The following LTBP1 variants were observed in gnomAD, a reference collection of about 807,000 sequenced individuals.
LTBP1 encodes latent-transforming growth factor beta-binding protein 1.
Under a neutral mutation model 207.6 loss-of-function variants are expected in LTBP1, and 129 were observed. That is an observed-to-expected ratio of 0.62 (90% confidence interval 0.54 to 0.72). The LOEUF is 0.72. Among genes scored for constraint, LTBP1 ranks in the 30% least tolerant of loss-of-function variants. The pLI is 0.00. For missense variants in LTBP1, 2,281 were observed against 2,217.2 expected (o/e 1.03, Z -0.58); for synonymous variants, 963 against 833.7 (o/e 1.16, Z -2.67).
chr2:33,334,778 T>C (rs899281242), intron 24 of LTBP1, among the ~76,000 whole-genome samples: 3 of 152,018 alleles, frequency 2.0e-5, no homozygotes, highest in Non-Finnish European at 2.9e-5. Context: ...TTTTACAGAA[T>C]AATTTAAGTA....
chr2:33,121,404 G>C (rs1053289670), intron 4 of LTBP1, among the ~76,000 whole-genome samples: 3 of 152,040 alleles, frequency 2.0e-5, no homozygotes, highest in Non-Finnish European at 2.9e-5. Flanking sequence ...AAAAGCATCC[G>C]GAGAGCAGGT....
intron 5 of LTBP1, among the ~76,000 whole-genome samples, chr2:33,179,668 A>G (rs1416456117): frequency 1.3e-5 from 2 of 152,076 alleles, no homozygotes; most frequent in Non-Finnish European, 2.9e-5. Context: ...AAATTTAATT[A>G]GAATCTGGCT....
chr2:33,312,522 G>A (rs909115806), intron 23 of LTBP1, among the ~76,000 whole-genome samples: 2 of 152,034 alleles, frequency 1.3e-5, no homozygotes, highest in African/African-American at 2.4e-5. Context: ...CTGTGGAATC[G>A]CGGACCCATG....
intron 2 of LTBP1, among the ~76,000 whole-genome samples, chr2:32,985,459 A>G (rs1558475501): frequency 6.6e-6 from 1 of 152,212 alleles, no homozygotes; most frequent in Non-Finnish European, 1.5e-5. Context: ...TCTGTCTCCT[A>G]GAGGAGCTCA....
intron 5 of LTBP1, among the ~76,000 whole-genome samples, chr2:33,138,917 G>A (rs1002360938): frequency 1.5e-5 from 2 of 133,978 alleles, no homozygotes; most frequent in Admixed American, 1.7e-4. Flanking sequence ...GGAGTGCAGT[G>A]GCGCGATCTC....
chr2:32,998,052 T>C (rs539619972), intron 2 of LTBP1, among the ~76,000 whole-genome samples: 7 of 152,306 alleles, frequency 4.6e-5, no homozygotes, highest in Admixed American at 4.6e-4. Context: ...GGATATAAAT[T>C]CTAGATTTGA....
chr2:33,135,034 T>A (rs2082032032), intron 5 of LTBP1, 74 bp downstream of exon 5: 1 of 1,428,432 alleles, frequency 7.0e-7, no homozygotes, highest in Admixed American at 2.4e-5. Flanking sequence ...AGACACCCCC[T>A]CCATTCACAC....
At chr2:33,322,292 C>T (rs1049790363) in intron 24 of LTBP1, among the ~76,000 whole-genome samples, 4 of 152,146 alleles carry the variant, frequency 2.6e-5, no homozygotes, top group Admixed American at 6.6e-5. Context: ...CCTTGCATAC[C>T]GTATGCTGAC....
chr2:33,072,670 C>T (rs1002969281), intron 3 of LTBP1, among the ~76,000 whole-genome samples: 4 of 152,080 alleles, frequency 2.6e-5, no homozygotes, highest in African/African-American at 7.2e-5. Flanking sequence ...CTAAAAGTGC[C>T]CCAACATGAG....
At chr2:33,346,657 C>T (rs1339015768) in intron 25 of LTBP1, among the ~76,000 whole-genome samples, 6 of 151,342 alleles carry the variant, frequency 4.0e-5, no homozygotes, top group Non-Finnish European at 7.4e-5. Flanking sequence ...TGCACTCCAG[C>T]CTGGGTGACA....
At chr2:32,969,287 T>A (rs1364604188) in intron 2 of LTBP1, among the ~76,000 whole-genome samples, 1 of 150,674 alleles carries the variant, frequency 6.6e-6, no homozygotes, top group Admixed American at 6.6e-5. Flanking sequence ...ATTTAAAAAG[T>A]TTTATTTTCA....
At chr2:33,179,607 G>A (rs967812621) in intron 5 of LTBP1, among the ~76,000 whole-genome samples, 31 of 150,790 alleles carry the variant, frequency 2.1e-4, no homozygotes, top group African/African-American at 7.5e-4. Context: ...GAAAATCCCT[G>A]TACCTTCATA....
At chr2:33,063,259 G>A (rs1375033218) in intron 3 of LTBP1, 1 of 151,158 alleles carries the variant, frequency 6.6e-6, no homozygotes, top group Non-Finnish European at 1.5e-5. Flanking sequence ...AATTTGCATT[G>A]TCTTGAATCT....
intron 5 of LTBP1, among the ~76,000 whole-genome samples, chr2:33,137,153 C>A (rs1301310764): frequency 6.6e-6 from 1 of 152,084 alleles, no homozygotes. Context: ...CAGAAAAATT[C>A]AAAAACGTTT....
In LTBP1 at chr2:32,947,372, C is replaced by T. The variant is rs889973787; in HGVS notation, c.48C>T (p.Leu16=). The change falls in exon 1 of 34, where the codon CTC becomes CTT. Residue 16 remains leucine, a synonymous_variant. Transcript: ENST00000404816. The part of the protein sequence containing the change: ...LRWGLLLWAG[L]LASSAHGRLR... ...GGGGGCTCCTGCTCTGGGCAGGGCT[C>T]CTCGCGTCCTCGGCGCACGGCCGGC... The T allele has an allele frequency of 1.5e-6, 2 of 1,361,664 alleles. No individual in the cohort carries two copies. Among genetic ancestry groups the T allele is most frequent in the South Asian group, 1.7e-5 (1 of 58,866 alleles). The allele number at this position is 1,361,664 out of a possible 1,614,324, so 84.3% of individuals were successfully genotyped here. A position where few individuals can be genotyped will look rare whatever the true frequency, so the allele number is the denominator to read the frequency against.
intron 3 of LTBP1, among the ~76,000 whole-genome samples, chr2:33,064,002 C>T (rs1374474088): frequency 3.3e-5 from 5 of 151,956 alleles, no homozygotes; most frequent in African/African-American, 4.8e-5. Context: ...TACAGGCACC[C>T]GCCACCATGC....
chr2:32,972,024 T>G (rs1680950736), intron 2 of LTBP1, among the ~76,000 whole-genome samples: 1 of 152,174 alleles, frequency 6.6e-6, no homozygotes, highest in Admixed American at 6.5e-5. Flanking sequence ...TAGTTCAATC[T>G]TAGGAGGTTG....
At chr2:33,086,962 T>C (rs777431818) in intron 3 of LTBP1, among the ~76,000 whole-genome samples, 1 of 152,052 alleles carries the variant, frequency 6.6e-6, no homozygotes, top group Non-Finnish European at 1.5e-5. Flanking sequence ...TGGTTATAAA[T>C]ACAGATTCAC....
intron 7 of LTBP1, among the ~76,000 whole-genome samples, chr2:33,190,622 C>G (rs1390396145): frequency 1.3e-5 from 2 of 152,174 alleles, no homozygotes; most frequent in East Asian, 1.9e-4. Flanking sequence ...ATGTGGGGCT[C>G]ATGAGACTTT....
Sources: allele counts gnomAD v4.1 joint callset (sites outside exome capture counted in the v4.1 genomes callset), GRCh38; gene constraint gnomAD v4.1.1; transcripts MANE v1.5; gene names NCBI Gene and HGNC (gene_info 2026-07-23, HGNC 2026-07-21).